DNAH12: variants seen among roughly 807,000 people sequenced by gnomAD.
The protein encoded by DNAH12 is dynein axonemal heavy chain 12.
DNAH12 carries 285 observed loss-of-function variants against 371.5 expected under a neutral mutation model. That is an observed-to-expected ratio of 0.77 (90% CI 0.70 to 0.85). The LOEUF is 0.85. DNAH12 is among the 40% of genes least tolerant of loss of function. DNAH12 has a pLI of 0.00. For missense variants in DNAH12, 3,611 were observed against 3,689.4 expected (o/e 0.98, Z 0.55); for synonymous variants, 1,200 against 1,213.0 (o/e 0.99, Z 0.22).
intron 62 of DNAH12, among the ~76,000 whole-genome samples, chr3:57,324,655 G>A (rs913792234): frequency 1.3e-5 from 2 of 152,204 alleles, no homozygotes; most frequent in South Asian, 4.1e-4. Context: ...CAGAAGAGGG[G>A]TGATTTCTGC....
intron 2 of DNAH12, among the ~76,000 whole-genome samples, chr3:57,540,086 C>G (rs1166279624): frequency 1.3e-5 from 2 of 151,136 alleles, no homozygotes; most frequent in African/African-American, 2.4e-5. Context: ...GAGTCTCGCT[C>G]TGTTGCCAGG....
In DNAH12 at chr3:57,341,037, C is replaced by T. The variant is rs532732582; in HGVS notation, c.9675-6097G>A. 3.1e-3 allele frequency among the ~76,000 whole-genome samples: 479 copies of T among 152,210 alleles called. 4 individuals are homozygous for T. Among genetic ancestry groups the T allele is most frequent in the South Asian group, 6.4e-3 (31 of 4,818 alleles). ...AACAGAATGAAGGACAAAAACAACA[C>T]GATCATCTCAATAGATCCAGAAAAA... On this transcript the variant is annotated intron_variant, in intron 60 of 73. Coordinates refer to ENST00000495027, the MANE Select transcript of DNAH12 (RefSeq NM_001366028.2).
At chr3:57,429,995 G>A (rs2064907410) in intron 32 of DNAH12, among the ~76,000 whole-genome samples, 1 of 151,952 alleles carries the variant, frequency 6.6e-6, no homozygotes, top group Non-Finnish European at 1.5e-5. Context: ...CTATAAAACA[G>A]GGATAATAGT....
At chr3:57,540,846 C>T (rs933791067) in intron 2 of DNAH12, among the ~76,000 whole-genome samples, 1 of 151,556 alleles carries the variant, frequency 6.6e-6, no homozygotes, top group Non-Finnish European at 1.5e-5. Flanking sequence ...GGGAGGATCA[C>T]GAGAGTCCAG....
upstream of DNAH12, among the ~76,000 whole-genome samples, chr3:57,547,234 ATATAG>A: frequency 6.6e-6 from 1 of 151,178 alleles, no homozygotes; most frequent in South Asian, 2.1e-4. Context: ...ATAGATATAG[ATATAG>A]ATGATATGTA....
chr3:57,494,715 C>T (rs1179811720), intron 11 of DNAH12, among the ~76,000 whole-genome samples: 1 of 152,054 alleles, frequency 6.6e-6, no homozygotes. Context: ...ATATTGTATA[C>T]AGAAAATTCA....
chr3:57,472,785 T>C (rs1380480420), intron 13 of DNAH12, 114 bp from the exon 14 acceptor site: 1 of 1,103,532 alleles, frequency 9.1e-7, no homozygotes, highest in Non-Finnish European at 1.3e-6. Flanking sequence ...TTGACTCAGA[T>C]TATTAACTGA....
intron 25 of DNAH12, among the ~76,000 whole-genome samples, chr3:57,447,258 G>A (rs116842242): frequency 7.2e-5 from 11 of 152,148 alleles, no homozygotes; most frequent in East Asian, 1.9e-4. Context: ...ACTTAATTAC[G>A]TACATTCTTT....
chr3:57,549,915 T>C, the DNAH12 span, among the ~76,000 whole-genome samples: 3 of 151,508 alleles, frequency 2.0e-5, no homozygotes, highest in Non-Finnish European at 2.9e-5. Flanking sequence ...TGAGCCACCA[T>C]ACCTGGCTTA....
At chr3:57,313,463 A>G (rs2107684559) in intron 66 of DNAH12, among the ~76,000 whole-genome samples, 1 of 150,446 alleles carries the variant, frequency 6.6e-6, no homozygotes, top group Middle Eastern at 3.4e-3. Flanking sequence ...ACAAGCCTGA[A>G]CAACAAGGTA....
At chr3:57,371,965 A>AAAAAAAAAAAAAAAT (rs1366790985) in intron 55 of DNAH12, among the ~76,000 whole-genome samples, 4 of 142,576 alleles carry the variant, frequency 2.8e-5, no homozygotes, top group African/African-American at 1.0e-4. Flanking sequence ...AAAAAAAAAA[A>AAAAAAAAAAAAAAAT]TTCTTTCAAA....
At chr3:57,359,103 T>G (rs1180293185) in intron 58 of DNAH12, among the ~76,000 whole-genome samples, 3 of 152,188 alleles carry the variant, frequency 2.0e-5, no homozygotes, top group African/African-American at 4.8e-5. Flanking sequence ...AAACATTAAA[T>G]AATAACTTAA....
At chr3:57,554,633 G>A in the DNAH12 span, among the ~76,000 whole-genome samples, 1 of 151,932 alleles carries the variant, frequency 6.6e-6, no homozygotes, top group Non-Finnish European at 1.5e-5. Context: ...GTTTTGTTTT[G>A]AGACGGAGTT....
Position 57,334,926 on chromosome 3 carries a change from A to G in DNAH12, c.9689T>C (p.Ile3230Thr), listed in dbSNP as rs762433127. 11 of 1,548,488 alleles carry G rather than the reference A, an allele frequency of 7.1e-6. No homozygotes were observed. The highest frequency in any genetic ancestry group is 1.7e-4 in the Middle Eastern group (1 of 5,976). The change falls in exon 61 of 74, where the codon ATT (isoleucine) becomes ACT (threonine). Residue 3230 changes from isoleucine (I) to threonine (T), a missense_variant. Physicochemically the swap from Ile to Thr is moderately conservative, Grantham distance 89. Coordinates refer to ENST00000495027, the MANE Select transcript of DNAH12 (RefSeq NM_001366028.2). ...AAGAAACATCAGTTCCTGGTATTCA[A>G]TCTCTTTCCTTGCCCTGTATTCCCA... Reference protein sequence around the residue: ...CANLLLARKEIEYQELMFLLT... With the variant: ...CANLLLARKETEYQELMFLLT...
intron 6 of DNAH12, 139 bp downstream of exon 6, chr3:57,509,001 A>G: frequency 1.4e-6 from 1 of 740,444 alleles, no homozygotes; most frequent in Non-Finnish European, 2.2e-6. Flanking sequence ...CCTCTGAGGT[A>G]AAAACAAGAG....
intron 33 of DNAH12, among the ~76,000 whole-genome samples, chr3:57,429,454 G>T (rs1172021095): frequency 6.6e-6 from 1 of 152,146 alleles, no homozygotes; most frequent in Non-Finnish European, 1.5e-5. Flanking sequence ...GGAATTACAG[G>T]CGTGAGCCAC....
intron 30 of DNAH12, among the ~76,000 whole-genome samples, chr3:57,436,691 G>A (rs2065136428): frequency 6.6e-6 from 1 of 152,194 alleles, no homozygotes; most frequent in South Asian, 2.1e-4. Context: ...GCCTCCCTGG[G>A]AAGGGAAGAG....
chr3:57,312,761 C>T lies in DNAH12; in HGVS notation c.10662+1733G>A, dbSNP rs780415714. 1.3e-4 allele frequency among the ~76,000 whole-genome samples: 20 copies of T among 152,156 alleles called. No individual in the cohort carries two copies. In the South Asian group the frequency reaches 1.5e-3, roughly 11 times the overall value. On this transcript the variant is annotated intron_variant, in intron 66 of 73. Coordinates refer to ENST00000495027, the MANE Select transcript of DNAH12 (RefSeq NM_001366028.2). The stretch of plus-strand genomic sequence containing the variant: ...CTCGAAAACCAATGTTTAAAATCAA[C>T]GTCATTTCATCATGCAGTTACAATT...
In DNAH12 at chr3:57,461,704, T is replaced by G. The variant is rs1007412548; in HGVS notation, c.2536-15A>C. The G allele has an allele frequency of 1.3e-6, 2 of 1,544,772 alleles. No individual in the cohort carries two copies. The highest frequency in any genetic ancestry group is 1.7e-6 in the Non-Finnish European group (2 of 1,142,912). ...AATGAAAATTCCTAAAACGGAGGAA[T>G]GAAGAAAGAACGGGATGGTGAAGAA... is the stretch of plus-strand genomic sequence containing the variant. On this transcript the variant is annotated splice_polypyrimidine_tract_variant and intron_variant, in intron 18 of 73. Transcript: ENST00000495027.
Sources: allele counts gnomAD v4.1 joint callset (sites outside exome capture counted in the v4.1 genomes callset), GRCh38; gene constraint gnomAD v4.1.1; transcripts MANE v1.5; gene names NCBI Gene and HGNC (gene_info 2026-07-23, HGNC 2026-07-21).